Variants in RBFOX1 observed in about 807,000 individuals in gnomAD.
The protein encoded by RBFOX1 is RNA binding fox-1 homolog 1, also known as RNA binding protein fox-1 homolog 1.
RBFOX1 carries 8 observed loss-of-function variants against 57.7 expected under a neutral mutation model. The observed-to-expected ratio is 0.14, with a 90% confidence interval of 0.08 to 0.25. RBFOX1 has a LOEUF of 0.25. Ranked by LOEUF, RBFOX1 falls within the 10% of genes least tolerant of loss-of-function variation. The pLI is 1.00. For missense variants in RBFOX1, 611 were observed against 548.5 expected (o/e 1.11, Z -1.14); for synonymous variants, 326 against 222.4 (o/e 1.47, Z -4.15).
At chr16:7,241,400 G>A (rs565954172) in intron 4 of RBFOX1, among the ~76,000 whole-genome samples, 2 of 152,296 alleles carry the variant, frequency 1.3e-5, no homozygotes, top group African/African-American at 2.4e-5. Flanking sequence ...GGGATTTGCA[G>A]TTCAATGGGC....
At chr16:7,317,769 C>A (rs112901349) in intron 4 of RBFOX1, among the ~76,000 whole-genome samples, 1 of 152,234 alleles carries the variant, frequency 6.6e-6, no homozygotes, top group African/African-American at 2.4e-5. Context: ...GGGCCTCCAA[C>A]TAGCTCTATG....
chr16:7,228,496 G>A (rs1019398452), intron 4 of RBFOX1, among the ~76,000 whole-genome samples: 1 of 152,144 alleles, frequency 6.6e-6, no homozygotes, highest in Non-Finnish European at 1.5e-5. Context: ...GGTTTTCTCA[G>A]TGATTCATAA....
At chr16:6,048,469 A>C (rs1054058346) in intron 1 of RBFOX1, among the ~76,000 whole-genome samples, 3 of 152,186 alleles carry the variant, frequency 2.0e-5, no homozygotes, top group Admixed American at 2.0e-4. Flanking sequence ...TCCCGGTAAT[A>C]ATAATGGACA....
chr16:6,238,286 C>G (rs147118177), intron 1 of RBFOX1, among the ~76,000 whole-genome samples: 1 of 152,020 alleles, frequency 6.6e-6, no homozygotes. Flanking sequence ...TTCTTAGAAA[C>G]GAAATTTGTC....
At chr16:5,607,538 A>G (rs946488349) in intron 3 of RBFOX1, among the ~76,000 whole-genome samples, 4 of 152,168 alleles carry the variant, frequency 2.6e-5, no homozygotes, top group African/African-American at 4.8e-5. Context: ...CAATGTTGGC[A>G]TTGAACTACG....
At chr16:6,870,920 G>T (rs184596280) in intron 3 of RBFOX1, among the ~76,000 whole-genome samples, 11 of 152,234 alleles carry the variant, frequency 7.2e-5, no homozygotes, top group East Asian at 5.8e-4. Flanking sequence ...TAAAAAATCA[G>T]ACTTTTTCCA....
intron 1 of RBFOX1, among the ~76,000 whole-genome samples, chr16:5,424,663 T>A (rs2067459325): frequency 6.6e-6 from 1 of 152,100 alleles, no homozygotes; most frequent in Non-Finnish European, 1.5e-5. Flanking sequence ...CCTGCACGTG[T>A]ATCCTGGAAC....
At chr16:6,211,198 T>A in intron 1 of RBFOX1, among the ~76,000 whole-genome samples, 1 of 97,836 alleles carries the variant, frequency 1.0e-5, no homozygotes, top group Admixed American at 1.3e-4. Flanking sequence ...CTTTTTTTTT[T>A]TTTTTGGTTA....
At chr16:7,166,972 C>CTTTTTTTTTTTGTTTTTTTTTTTTTTT (rs2079656368) in intron 4 of RBFOX1, among the ~76,000 whole-genome samples, 1 of 49,098 alleles carries the variant, frequency 2.0e-5, no homozygotes, top group Non-Finnish European at 3.4e-5. Flanking sequence ...CATTGGTGTT[C>CTTTTTTTTTTTGTTTTTTTTTTTTTTT]TTTTTTTTTT....
chr16:7,362,317 T>G, intron 4 of RBFOX1, among the ~76,000 whole-genome samples: 1 of 151,718 alleles, frequency 6.6e-6, no homozygotes, highest in Non-Finnish European at 1.5e-5. Flanking sequence ...TGCGTGTGTG[T>G]GTGTATGTTT....
chr16:6,416,271 C>T (rs1414827692), intron 2 of RBFOX1, among the ~76,000 whole-genome samples: 1 of 152,216 alleles, frequency 6.6e-6, no homozygotes, highest in Non-Finnish European at 1.5e-5. Flanking sequence ...AAACACAACA[C>T]TGACAGGCGC....
chr16:7,432,828 G>C (rs1033828570), intron 4 of RBFOX1, among the ~76,000 whole-genome samples: 1 of 152,096 alleles, frequency 6.6e-6, no homozygotes, highest in Non-Finnish European at 1.5e-5. Context: ...TGCTCTCTCT[G>C]CTGCTTCCCA....
At chr16:7,392,377 A>G (rs1232586136) in intron 4 of RBFOX1, among the ~76,000 whole-genome samples, 1 of 152,174 alleles carries the variant, frequency 6.6e-6, no homozygotes, top group Non-Finnish European at 1.5e-5. Context: ...TCCACTCAGG[A>G]GTAATAGCTA....
chr16:7,229,663 GCA>G (rs2093366002), intron 4 of RBFOX1, among the ~76,000 whole-genome samples: 2 of 89,342 alleles, frequency 2.2e-5, no homozygotes, highest in African/African-American at 3.7e-5. Context: ...GGGAGGAAGG[GCA>G]AAGGAAGTAA....
intron 2 of RBFOX1, among the ~76,000 whole-genome samples, chr16:5,583,118 G>A (rs1024946740): frequency 5.9e-5 from 9 of 152,182 alleles, no homozygotes; most frequent in East Asian, 1.9e-4. Flanking sequence ...TGGCTTGCAC[G>A]TTCTTGCAGA....
At chr16:7,208,929 G>C (rs140903579) in intron 4 of RBFOX1, among the ~76,000 whole-genome samples, 1 of 151,854 alleles carries the variant, frequency 6.6e-6, no homozygotes, top group Non-Finnish European at 1.5e-5. Context: ...CCTTCCTGGC[G>C]GGCATTAATC....
chr16:5,764,965 G>A (rs893738210), intron 3 of RBFOX1, among the ~76,000 whole-genome samples: 1 of 152,194 alleles, frequency 6.6e-6, no homozygotes, highest in Non-Finnish European at 1.5e-5. Flanking sequence ...AAAGTAGTTT[G>A]CCCAAGTCTC....
intron 2 of RBFOX1, among the ~76,000 whole-genome samples, chr16:6,485,433 C>T (rs1414864168): frequency 6.6e-6 from 1 of 152,132 alleles, no homozygotes; most frequent in South Asian, 2.1e-4. Flanking sequence ...GTATTTCTTT[C>T]CATCTTTCTG....
At chr16:7,199,827 G>A (rs2052238875) in intron 4 of RBFOX1, among the ~76,000 whole-genome samples, 4 of 152,126 alleles carry the variant, frequency 2.6e-5, no homozygotes, top group African/African-American at 7.2e-5. Context: ...CCCAGGAGGT[G>A]GAGGTTGTAG....
Sources: gnomAD v4.1 joint callset for allele counts (sites outside exome capture counted in the v4.1 genomes callset) on GRCh38, gnomAD v4.1.1 for gene constraint, MANE v1.5 for transcripts, NCBI Gene and HGNC (gene_info 2026-07-23, HGNC 2026-07-21) for gene names.